Variants in MRPS28 observed in about 807,000 individuals in gnomAD.
MRPS28 encodes mitochondrial ribosomal protein S28.
In MRPS28, 7 loss-of-function variants were observed where a neutral mutation model predicts 10.8. The ratio of observed to expected loss-of-function variants is 0.65; its 90% CI spans 0.37 to 1.22. MRPS28 has a LOEUF of 1.22. MRPS28 is among the 50% of genes most tolerant of loss of function. The pLI is 0.02. For missense variants in MRPS28, 265 were observed against 232.9 expected, an observed-to-expected ratio of 1.14 and a Z score of -0.90; for synonymous variants, 121 against 93.3, an observed-to-expected ratio of 1.30 and a Z score of -1.71.
At chr8:79,952,562 T>C (rs1157858221) in intron 2 of MRPS28, among the ~76,000 whole-genome samples, 2 of 152,150 alleles carry the variant, frequency 1.3e-5, no homozygotes, top group Non-Finnish European at 2.9e-5. Context: ...TGGAACCTCC[T>C]CTCCACATGG....
chr8:79,993,981 G>A (rs1479171511), intron 2 of MRPS28, among the ~76,000 whole-genome samples: 1 of 152,152 alleles, frequency 6.6e-6, no homozygotes, highest in Admixed American at 6.5e-5. Context: ...AGTTACCTTA[G>A]AGCTGCCAAT....
chr8:80,014,739 A>T (rs748825619), intron 1 of MRPS28, among the ~76,000 whole-genome samples: 1 of 152,158 alleles, frequency 6.6e-6, no homozygotes, highest in Non-Finnish European at 1.5e-5. Flanking sequence ...TTAAAAATTA[A>T]TTTCTTATAG....
intron 2 of MRPS28, among the ~76,000 whole-genome samples, chr8:79,999,861 A>T (rs778937860): frequency 5.3e-5 from 8 of 152,238 alleles, no homozygotes; most frequent in Non-Finnish European, 1.0e-4. Flanking sequence ...CTTGACTCTT[A>T]TCTTTTTTTT....
intron 2 of MRPS28, among the ~76,000 whole-genome samples, chr8:79,978,112 T>C (rs1019235901): frequency 2.6e-5 from 4 of 152,126 alleles, no homozygotes; most frequent in Non-Finnish European, 4.4e-5. Flanking sequence ...GAACAGTCCA[T>C]CTATTTATTA....
At chr8:80,014,186 G>A (rs1809135273) in intron 1 of MRPS28, among the ~76,000 whole-genome samples, 1 of 152,106 alleles carries the variant, frequency 6.6e-6, no homozygotes, top group Non-Finnish European at 1.5e-5. Context: ...CTGAAAACAA[G>A]GAGAATAGCT....
chr8:79,922,240 A>G (rs915630491), intron 2 of MRPS28, among the ~76,000 whole-genome samples: 1 of 152,206 alleles, frequency 6.6e-6, no homozygotes, highest in East Asian at 1.9e-4. Context: ...AACCAGGCAC[A>G]GCATGACAAA....
intron 2 of MRPS28, among the ~76,000 whole-genome samples, chr8:79,992,288 G>T (rs1808388007): frequency 6.6e-6 from 1 of 152,166 alleles, no homozygotes; most frequent in South Asian, 2.1e-4. Context: ...GAAGTAATTT[G>T]TTACACAGAC....
At position 79,982,991 on chromosome 8, in the gene MRPS28, G is replaced by A. The variant is rs979773665; in HGVS notation, c.395+20008C>T. ...AGTGGGTCCCTGACGCCTGACCCCC[G>A]ACCCCCGAGCAGCCTAACTGGGAGG... is the stretch of plus-strand genomic sequence containing the variant. On this transcript the variant is annotated intron_variant, in intron 2 of 2. Transcript: ENST00000276585. Among the ~76,000 whole-genome samples the A allele has an allele frequency of 1.0e-4, 11 of 109,962 alleles. 1 individual carries two copies. The highest frequency in any genetic ancestry group is 2.0e-4 in the Non-Finnish European group (11 of 54,556). The allele number at this position is 109,962 out of a possible 152,430, so 72.1% of individuals were successfully genotyped here.
At chr8:79,942,454 TCAAAA>T (rs1345658691) in intron 2 of MRPS28, among the ~76,000 whole-genome samples, 3 of 152,226 alleles carry the variant, frequency 2.0e-5, no homozygotes, top group African/African-American at 7.2e-5. Context: ...AAGATGAGTC[TCAAAA>T]TCTCAGAATT....
At chr8:79,935,110 A>G (rs1806571441) in intron 2 of MRPS28, among the ~76,000 whole-genome samples, 1 of 152,210 alleles carries the variant, frequency 6.6e-6, no homozygotes, top group Non-Finnish European at 1.5e-5. Flanking sequence ...ACTGCCCACA[A>G]AGCTACTTTA....
chr8:79,957,500 A>G (rs1034388324), intron 2 of MRPS28: 2 of 150,060 alleles, frequency 1.3e-5, no homozygotes, highest in Non-Finnish European at 2.9e-5. Context: ...ACTGGAGGCC[A>G]TAAGTTCCAG....
chr8:79,939,780 C>T (rs2129927172), intron 2 of MRPS28, among the ~76,000 whole-genome samples: 1 of 152,138 alleles, frequency 6.6e-6, no homozygotes, highest in Non-Finnish European at 1.5e-5. Context: ...ACCATCCTAG[C>T]TAACATGGTG....
At chr8:80,028,662 G>GGGGGGGGGGGGGGGGGGGGGGGGGGGGGC (rs1809558299) in intron 1 of MRPS28, 1 of 47,956 alleles carries the variant, frequency 2.1e-5, no homozygotes, top group African/African-American at 7.6e-5. Context: ...GGGGGGCGGG[G>GGGGGGGGGGGGGGGGGGGGGGGGGGGGGC]CCGGGCGGGG....
At chr8:80,024,885 T>C (rs1809458364) in intron 1 of MRPS28, among the ~76,000 whole-genome samples, 1 of 152,116 alleles carries the variant, frequency 6.6e-6, no homozygotes, top group South Asian at 2.1e-4. Context: ...ACCATAAAGG[T>C]AGTAAAACAC....
At chr8:79,960,465 C>A (rs1807347162) in intron 2 of MRPS28, among the ~76,000 whole-genome samples, 1 of 152,054 alleles carries the variant, frequency 6.6e-6, no homozygotes, top group Admixed American at 6.6e-5. Context: ...TCACTTTTCC[C>A]AAAGATATGT....
chr8:80,018,156 G>T (rs920977156), intron 1 of MRPS28, among the ~76,000 whole-genome samples: 10 of 151,892 alleles, frequency 6.6e-5, no homozygotes, highest in Admixed American at 6.6e-4. Flanking sequence ...AGCAGGGCAT[G>T]GTGGCAGGCG....
intron 2 of MRPS28, among the ~76,000 whole-genome samples, chr8:79,943,280 T>G (rs911213705): frequency 6.6e-6 from 1 of 152,320 alleles, no homozygotes; most frequent in South Asian, 2.1e-4. Context: ...TACTTCAGAG[T>G]ATGCTATGTG....
intron 2 of MRPS28, among the ~76,000 whole-genome samples, chr8:79,978,344 T>C (rs1336929395): frequency 6.6e-6 from 1 of 152,214 alleles, no homozygotes; most frequent in East Asian, 1.9e-4. Flanking sequence ...TGTATTTTTT[T>C]TTTCCCTGAT....
chr8:79,998,054 C>A (rs1247214260), intron 2 of MRPS28, among the ~76,000 whole-genome samples: 99 of 131,000 alleles, frequency 7.6e-4, no homozygotes, highest in Admixed American at 1.1e-3. Flanking sequence ...GACTCTGTCT[C>A]AAAAAAAAAA....
Sources: gnomAD v4.1 joint callset for allele counts (sites outside exome capture counted in the v4.1 genomes callset) on GRCh38, gnomAD v4.1.1 for gene constraint, MANE v1.5 for transcripts, NCBI Gene and HGNC (gene_info 2026-07-23, HGNC 2026-07-21) for gene names.